The following ERN2 variants were observed in gnomAD, a reference collection of about 807,000 sequenced individuals.
The protein encoded by ERN2 is serine/threonine-protein kinase/endoribonuclease IRE2.
In ERN2, 111 loss-of-function variants were observed where a neutral mutation model predicts 107.9. That is an observed-to-expected ratio of 1.03 (90% CI 0.88 to 1.20). The LOEUF (loss-of-function observed/expected upper bound fraction) is 1.20, where lower values mean the gene tolerates loss of function less well. ERN2 is among the 50% of genes most tolerant of loss of function. The pLI, the probability that ERN2 is intolerant of heterozygous loss-of-function variation, is 0.00. For synonymous variants in ERN2, 524 were observed against 501.7 expected, an observed-to-expected ratio of 1.04 and a Z score of -0.59; for missense variants, 1,225 against 1,197.9, an observed-to-expected ratio of 1.02 and a Z score of -0.33.
In ERN2 at chr16:23,690,812, G is replaced by T. The variant is rs1323143290; in HGVS notation, c.*19C>A. On this transcript the variant is annotated 3_prime_UTR_variant, in exon 22 of 22. Transcript: ENST00000256797. ...CAGTGAGCCAGCACGGAGACCATCT[G>T]TGTGGCATCCAGCCCACCTCACCTC... The T allele has an allele frequency of 2.5e-6, 4 of 1,593,614 alleles. No individual in the cohort carries two copies. The highest frequency in any genetic ancestry group is 3.4e-6 in the Non-Finnish European group (4 of 1,169,564).
intron 13 of ERN2, 90 bp downstream of exon 13, chr16:23,700,449 T>C: frequency 7.5e-7 from 1 of 1,339,464 alleles, no homozygotes; most frequent in East Asian, 2.3e-5. Flanking sequence ...CACCCCACTA[T>C]AGTGGCTTTT....
intron 13 of ERN2, among the ~76,000 whole-genome samples, chr16:23,699,680 C>T (rs1198228183): frequency 6.6e-6 from 1 of 152,144 alleles, no homozygotes; most frequent in East Asian, 1.9e-4. Context: ...ACCTTGGCCT[C>T]TGAAAGTTCT....
intron 10 of ERN2, 47 bp downstream of exon 10, chr16:23,702,343 A>G (rs1263990949): frequency 6.2e-7 from 1 of 1,611,116 alleles, no homozygotes; most frequent in Non-Finnish European, 8.5e-7. Flanking sequence ...CTGGGCTCAC[A>G]GGTTCTTTAT....
chr16:23,707,058 C>T lies in ERN2; in HGVS notation c.328G>A (p.Glu110Lys). The T allele has an allele frequency of 6.2e-7, 1 of 1,614,106 alleles. No individual in the cohort carries two copies. Among genetic ancestry groups the T allele is most frequent in the Non-Finnish European group, 8.5e-7 (1 of 1,179,950 alleles). ...CGGCAGGGAGAGGCATGAACCAGCTCAGGGATGGTGAATGGCAGTTTCTAG... is the reference window on the plus strand; with the variant it reads ...CGGCAGGGAGAGGCATGAACCAGCTTAGGGATGGTGAATGGCAGTTTCTAG... ...GLMKLPFTIPELVHASPCRSS... is the reference protein window; with the variant it reads ...GLMKLPFTIPKLVHASPCRSS... Residue 110 changes from glutamate (E) to lysine (K), a missense_variant, in exon 5 of 22, where the codon GAG (glutamate) becomes AAG (lysine). Coordinates refer to ENST00000256797, the MANE Select transcript of ERN2 (RefSeq NM_033266.4).
rs1275691999 is a variant in ERN2 at position 23,691,429 on chromosome 16, G to A, written c.2377-4C>T. The stretch of plus-strand genomic sequence containing the variant: ...TCTCCAGCCAGTCACTGACGTCCTG[G>A]GGCCCAGAGAGCTCCTGAGCCTTGT... On this transcript the variant is annotated splice_polypyrimidine_tract_variant and splice_region_variant and intron_variant, in intron 19 of 21. Transcript: ENST00000256797. 5 of 1,598,242 alleles carry A rather than the reference G, an allele frequency of 3.1e-6. No homozygotes were observed. Among genetic ancestry groups the A allele is most frequent in the Middle Eastern group, 1.6e-4 (1 of 6,080 alleles).
rs1468814754 is a variant in ERN2, at chr16:23,694,874, C to G, written c.1954G>C (p.Gly652Arg). 6.2e-7 allele frequency: 1 copy of G among 1,614,210 alleles called. No individual in the cohort carries two copies. The highest frequency in any genetic ancestry group is 8.5e-7 in the Non-Finnish European group (1 of 1,180,038). Residue 652 changes from glycine to arginine, a missense_variant, in exon 17 of 22, where the codon GGC becomes CGC. Gly to Arg is a moderately radical substitution (Grantham distance 125). Coordinates refer to ENST00000256797, the MANE Select transcript of ERN2 (RefSeq NM_033266.4). ...TCTGAGAGCACCACTCTGCCCAGGC[C>G]CTGGCTGTCAGGCCCGGTGATGAGA... Reference protein sequence around the residue: ...NILITGPDSQGLGRVVLSDFG... With the variant: ...NILITGPDSQRLGRVVLSDFG...
chr16:23,694,695 T>C, intron 17 of ERN2, 33 bp downstream of exon 17: 1 of 1,552,664 alleles, frequency 6.4e-7, no homozygotes, highest in Non-Finnish European at 8.7e-7. Flanking sequence ...CTGGGGCAGC[T>C]GTGTGCCTGG....
chr16:23,702,609 G>A lies in ERN2; in HGVS notation c.933+15C>T, dbSNP rs367786346. 5 of 1,614,048 alleles carry A rather than the reference G, an allele frequency of 3.1e-6. No homozygotes were observed. Among genetic ancestry groups the A allele is most frequent in the Non-Finnish European group, 4.2e-6 (5 of 1,180,004 alleles). ...GTTCATCCTCTTTCCAGCCCACTCA[G>A]AGACCACTTCTTACCACCAGGGCCA... On this transcript the variant is annotated intron_variant, in intron 9 of 21. Coordinates refer to ENST00000256797, the MANE Select transcript of ERN2 (RefSeq NM_033266.4).
intron 3 of ERN2, 67 bp downstream of exon 3, chr16:23,710,449 C>T: frequency 6.5e-7 from 1 of 1,539,682 alleles, no homozygotes; most frequent in Non-Finnish European, 9.0e-7. Context: ...TACAAACTCT[C>T]TCCAGACAAC....
intron 7 of ERN2, among the ~76,000 whole-genome samples, chr16:23,705,850 G>A (rs537571030): frequency 6.6e-6 from 1 of 152,242 alleles, no homozygotes; most frequent in South Asian, 2.1e-4. Context: ...GGAGTTGGAG[G>A]CTACGGTAAG....
Position 23,694,743 on chromosome 16 carries a change from C to G in ERN2, c.2085G>C (p.Leu695=). 1.2e-6 allele frequency: 2 copies of G among 1,607,284 alleles called. No homozygotes were observed. The highest frequency in any genetic ancestry group is 1.7e-6 in the Non-Finnish European group (2 of 1,178,146). Residue 695 remains leucine, a synonymous_variant, in exon 17 of 22, where the codon CTG becomes CTC. Coordinates refer to ENST00000256797, the MANE Select transcript of ERN2 (RefSeq NM_033266.4). ...GWMAPELLQL[L]PPDSPTSAVD... ...ATAGACTCACAGGACTGTCTGGTGG[C>G]AGGAGCTGCAGAAGCTCGGGCGCCA...
At chr16:23,706,690 A>T in intron 6 of ERN2, 64 bp downstream of exon 6, 2 of 1,136,282 alleles carry the variant, frequency 1.8e-6, no homozygotes, top group Non-Finnish European at 2.6e-6. Flanking sequence ...AGCCACAGCT[A>T]GATCTCAGCA....
In ERN2 at chr16:23,692,246, T is replaced by A. The variant is rs775180385; in HGVS notation, c.2186A>T (p.Tyr729Phe). 62 of 1,614,040 alleles carry A rather than the reference T, an allele frequency of 3.8e-5. No homozygotes were observed. Among genetic ancestry groups the A allele is most frequent in the Admixed American group, 8.3e-5 (5 of 60,004 alleles). Residue 729 changes from tyrosine (Y) to phenylalanine (F), a missense_variant, in exon 18 of 22, where the codon TAT (tyrosine) becomes TTT (phenylalanine). Physicochemically the swap from Tyr to Phe is conservative, Grantham distance 22 (BLOSUM62 3). Coordinates refer to ENST00000256797, the MANE Select transcript of ERN2 (RefSeq NM_033266.4). ...CCCTGTGAGGATGTTTGCCTGGCGA[T>A]AAAGACTGTCTCCAAAGGGGTGGCT... is the stretch of plus-strand genomic sequence containing the variant. ...GGSHPFGDSL[Y>F]RQANILTGAP...
rs960439815 is a variant in ERN2 at position 23,702,417 on chromosome 16, C to T, written c.1054G>A (p.Ala352Thr). Residue 352 changes from alanine to threonine, a missense_variant, in exon 10 of 22, where the codon GCC (alanine) becomes ACC (threonine). Physicochemically the swap from Ala to Thr is moderately conservative, Grantham distance 58. Coordinates refer to ENST00000256797, the MANE Select transcript of ERN2 (RefSeq NM_033266.4). ...ATGAGCAGCCACTGGCTTGGGAGGG[C>T]CACACTGCCTGAGGGGTATCTAACA... ...TAVRYPSGSVALPSQWLLIGH... is the reference protein window; with the variant it reads ...TAVRYPSGSVTLPSQWLLIGH... 8.7e-6 allele frequency: 14 copies of T among 1,613,444 alleles called. No individual in the cohort carries two copies. Among genetic ancestry groups the T allele is most frequent in the Non-Finnish European group, 1.1e-5 (13 of 1,179,960 alleles).
chr16:23,697,757 G>A (rs56936011), intron 13 of ERN2, among the ~76,000 whole-genome samples: 2,386 of 152,048 alleles, frequency 0.016, 60 homozygotes, highest in African/African-American at 0.054. Flanking sequence ...AGTTTTTGTC[G>A]TTGTTGTTGT....
intron 4 of ERN2, chr16:23,709,895 A>G (rs1597159141): frequency 1.0e-5 from 3 of 300,920 alleles, no homozygotes; most frequent in East Asian, 1.2e-4. Context: ...GCAAAAGCTA[A>G]CTGGTATATA....
chr16:23,705,334 AG>A (rs987732379), intron 7 of ERN2, among the ~76,000 whole-genome samples, 187 bp from the exon 8 acceptor site: 3 of 152,202 alleles, frequency 2.0e-5, no homozygotes, highest in African/African-American at 7.2e-5. Context: ...GGTCATTCAA[AG>A]GTGACTCAGA....
At chr16:23,700,768 A>G (rs1411658590) in intron 12 of ERN2, 64 bp from the exon 13 acceptor site, 8 of 1,540,368 alleles carry the variant, frequency 5.2e-6, no homozygotes, top group Non-Finnish European at 7.0e-6. Context: ...TGGGCCCAGT[A>G]TCTGTGACTG....
intron 11 of ERN2, among the ~76,000 whole-genome samples, chr16:23,701,434 A>T (rs1398391146): frequency 6.6e-6 from 1 of 152,238 alleles, no homozygotes; most frequent in East Asian, 1.9e-4. Flanking sequence ...GGTGATTCTG[A>T]TGAGCAACCG....
Sources: gnomAD v4.1 joint callset for allele counts (sites outside exome capture counted in the v4.1 genomes callset) on GRCh38, gnomAD v4.1.1 for gene constraint, MANE v1.5 for transcripts, NCBI Gene and HGNC (gene_info 2026-07-23, HGNC 2026-07-21) for gene names.